The following MAPK6 variants were observed in gnomAD, a reference collection of about 807,000 sequenced individuals.
The protein encoded by MAPK6 is ERK-3.
A neutral mutation model predicts 59.3 loss-of-function variants in MAPK6; 19 were observed. The observed-to-expected ratio is 0.32, with a 90% confidence interval of 0.22 to 0.47. MAPK6 has a LOEUF of 0.47. MAPK6 is among the 20% of genes least tolerant of loss of function. MAPK6 has a pLI of 1.00. For missense variants in MAPK6, 724 were observed against 847.9 expected (o/e 0.85, Z 1.81); for synonymous variants, 316 against 290.3 (o/e 1.09, Z -0.90).
intron 4 of MAPK6, among the ~76,000 whole-genome samples, 184 bp downstream of exon 4, chr15:52,058,981 A>G (rs904344862): frequency 3.3e-5 from 5 of 152,090 alleles, no homozygotes; most frequent in Non-Finnish European, 7.4e-5. Context: ...TTGGGCTACG[A>G]TCTGTTTTTT....
chr15:52,009,916 G>A (rs1268439823), intron 3 of MAPK6, among the ~76,000 whole-genome samples: 1 of 151,908 alleles, frequency 6.6e-6, no homozygotes, highest in African/African-American at 2.4e-5. Context: ...GGAATTACAG[G>A]TGCCCGCCAC....
At chr15:52,033,123 GTCTTT>G (rs2031103872) in intron 1 of MAPK6, among the ~76,000 whole-genome samples, 1 of 152,184 alleles carries the variant, frequency 6.6e-6, no homozygotes, top group Non-Finnish European at 1.5e-5. Flanking sequence ...TTCTACTTTT[GTCTTT>G]TCTTTGAAAA....
intron 3 of MAPK6, among the ~76,000 whole-genome samples, chr15:52,009,719 A>G (rs1376347886): frequency 6.6e-6 from 1 of 152,208 alleles, no homozygotes; most frequent in Non-Finnish European, 1.5e-5. Flanking sequence ...TTTTTGTCTC[A>G]GAAATTGATT....
intron 1 of MAPK6, among the ~76,000 whole-genome samples, chr15:52,043,499 T>C (rs896473710): frequency 3.3e-5 from 5 of 151,906 alleles, no homozygotes; most frequent in African/African-American, 1.2e-4. Context: ...GGTTTCTCCA[T>C]GTTGGTAGGC....
At chr15:51,972,036 G>T (rs911954003) in intron 1 of MAPK6, among the ~76,000 whole-genome samples, 6 of 152,226 alleles carry the variant, frequency 3.9e-5, no homozygotes, top group African/African-American at 1.4e-4. Context: ...GCGCTCTCTG[G>T]GGAAGGGCCT....
At chr15:52,061,743 A>G (rs1280813495) in intron 5 of MAPK6, among the ~76,000 whole-genome samples, 1 of 152,166 alleles carries the variant, frequency 6.6e-6, no homozygotes, top group Admixed American at 6.5e-5. Flanking sequence ...ACTGCATTCC[A>G]GTCTGGGCAA....
chr15:52,052,609 G>C (rs1239151049), intron 3 of MAPK6, among the ~76,000 whole-genome samples: 3 of 151,998 alleles, frequency 2.0e-5, no homozygotes, highest in African/African-American at 7.3e-5. Context: ...TCTACTTTAT[G>C]TCTCTATGGA....
chr15:52,020,579 A>C (rs926628877), intron 1 of MAPK6, among the ~76,000 whole-genome samples: 1 of 152,184 alleles, frequency 6.6e-6, no homozygotes, highest in Non-Finnish European at 1.5e-5. Context: ...TGTCTCTTAC[A>C]GTTCCAATTG....
chr15:51,980,776 G>C (rs1424788250), intron 1 of MAPK6, among the ~76,000 whole-genome samples: 1 of 151,048 alleles, frequency 6.6e-6, no homozygotes, highest in Non-Finnish European at 1.5e-5. Flanking sequence ...TTTTTTAGTA[G>C]AGATGGGGTT....
upstream of MAPK6, among the ~76,000 whole-genome samples, chr15:52,015,842 G>A (rs2030221624): frequency 7.0e-6 from 1 of 142,450 alleles, no homozygotes; most frequent in African/African-American, 2.6e-5. Flanking sequence ...CAGATCACTT[G>A]AGGTCAGGAG....
chr15:52,062,654 A>G (rs1056300982), intron 5 of MAPK6, among the ~76,000 whole-genome samples: 1 of 152,048 alleles, frequency 6.6e-6, no homozygotes, highest in Non-Finnish European at 1.5e-5. Context: ...AGTCCCAGCT[A>G]CTCAGGAGGC....
upstream of MAPK6, among the ~76,000 whole-genome samples, chr15:52,016,463 C>G (rs539940239): frequency 9.2e-5 from 14 of 152,152 alleles, no homozygotes; most frequent in Middle Eastern, 3.4e-3. Context: ...CAACTATCTG[C>G]AATAAATATA....
chr15:51,997,946 TTTC>T (rs1190085015), intron 2 of MAPK6, among the ~76,000 whole-genome samples: 3 of 151,524 alleles, frequency 2.0e-5, no homozygotes, highest in Non-Finnish European at 2.9e-5. Context: ...TCTTTCTTTC[TTTC>T]TTTTTTTCTT....
rs1566918077 is a variant in MAPK6 at position 52,066,979 on chromosome 15, TGA to T, written c.*1983_*1984del. 6.6e-6 allele frequency: 1 copy of T among 152,140 alleles called. No individual in the cohort carries two copies. Among genetic ancestry groups the T allele is most frequent in the Non-Finnish European group, 1.5e-5 (1 of 68,022 alleles). The allele number at this position is 152,140 out of a possible 1,614,324, so 9.4% of individuals were successfully genotyped here. A position where few individuals can be genotyped will look rare whatever the true frequency, so the allele number is the denominator to read the frequency against. On this transcript the variant is annotated 3_prime_UTR_variant, in exon 6 of 6. Transcript: ENST00000261845. ...ACAAGTGCAGAGGCTTTGAGTGTCA[TGA>T]GAGCATCAGACAGGATGTAAAGGAA...
intron 2 of MAPK6, among the ~76,000 whole-genome samples, chr15:51,991,621 T>C (rs778609034): frequency 1.3e-5 from 2 of 152,188 alleles, no homozygotes; most frequent in Non-Finnish European, 2.9e-5. Context: ...CTAAGAATGG[T>C]AATTAGAATA....
intron 2 of MAPK6, among the ~76,000 whole-genome samples, chr15:51,985,851 G>A (rs796858001): frequency 3.3e-5 from 5 of 151,460 alleles, no homozygotes; most frequent in African/African-American, 1.2e-4. Context: ...CCAGCTACTC[G>A]GGAGGCTGAG....
intron 4 of MAPK6, 25 bp downstream of exon 4, chr15:52,058,822 C>T: frequency 1.3e-6 from 2 of 1,585,576 alleles, no homozygotes; most frequent in Non-Finnish European, 1.7e-6. Context: ...GAGTAACCCT[C>T]ACGTTAATGC....
chr15:52,023,570 G>A (rs1331331528), intron 1 of MAPK6, among the ~76,000 whole-genome samples: 3 of 152,196 alleles, frequency 2.0e-5, no homozygotes, highest in Admixed American at 1.3e-4. Flanking sequence ...CATGAACTGC[G>A]TATTTGGAAA....
chr15:52,046,960 T>C lies in MAPK6; in HGVS notation c.500T>C (p.Leu167Pro). 1 of 1,608,650 alleles carries C rather than the reference T, an allele frequency of 6.2e-7. No individual in the cohort carries two copies. Among genetic ancestry groups the C allele is most frequent in the Non-Finnish European group, 8.5e-7 (1 of 1,177,510 alleles). ...TTCATTAATACGGAAGACTTGGTGC[T>C]GAAGATAGGTGACTTTGGTCTTGCA... ...NLFINTEDLV[L>P]KIGDFGLARI... The change falls in exon 2 of 6, where the codon CTG becomes CCG. Residue 167 changes from leucine (L) to proline (P), a missense_variant. This residue lies in a region of MAPK6 where 105 missense variants were observed against 191.9 expected (regional missense o/e 0.55). Coordinates refer to ENST00000261845, the MANE Select transcript of MAPK6 (RefSeq NM_002748.4).
Sources: gnomAD v4.1 joint callset for allele counts (sites outside exome capture counted in the v4.1 genomes callset) on GRCh38, gnomAD v4.1.1 for gene constraint, gnomAD v4.1.1 regional missense constraint, MANE v1.5 for transcripts, NCBI Gene and HGNC (gene_info 2026-07-23, HGNC 2026-07-21) for gene names.